TBC1D5: variants seen among roughly 807,000 people sequenced by gnomAD.
TBC1D5 encodes the protein TBC1 domain family member 5, also known as TBC1 domain family, member 5.
A neutral mutation model predicts 100.3 loss-of-function variants in TBC1D5; 75 were observed. The observed-to-expected ratio is 0.75, with a 90% CI of 0.62 to 0.91. The LOEUF (loss-of-function observed/expected upper bound fraction) is 0.91. Among genes scored for constraint, TBC1D5 ranks in the 40% least tolerant of loss-of-function variants. The probability of loss-of-function intolerance (pLI) is 0.00; values close to 1 mark genes in which losing one functional copy is unlikely to be tolerated. For synonymous variants in TBC1D5, 323 were observed against 325.6 expected (o/e 0.99, Z 0.09); for missense variants, 910 against 942.4 (o/e 0.97, Z 0.45).
intron 2 of TBC1D5, among the ~76,000 whole-genome samples, chr3:17,621,214 T>C (rs2062630388): frequency 6.6e-6 from 1 of 152,228 alleles, no homozygotes; most frequent in Non-Finnish European, 1.5e-5. Context: ...TGTCCATGTA[T>C]GTTTTTCAAT....
chr3:17,546,108 A>G (rs2096411934), intron 2 of TBC1D5, among the ~76,000 whole-genome samples: 1 of 152,192 alleles, frequency 6.6e-6, no homozygotes, highest in Non-Finnish European at 1.5e-5. Context: ...GCATAACCAT[A>G]CCCTCTTATA....
chr3:17,359,720 T>C (rs2091532559), intron 13 of TBC1D5, among the ~76,000 whole-genome samples: 1 of 152,030 alleles, frequency 6.6e-6, no homozygotes, highest in Non-Finnish European at 1.5e-5. Context: ...CAGGTTAGCT[T>C]AATTACCAAG....
chr3:17,343,239 C>T (rs1409314807), intron 13 of TBC1D5, among the ~76,000 whole-genome samples: 4 of 152,144 alleles, frequency 2.6e-5, no homozygotes, highest in African/African-American at 7.2e-5. Context: ...TGGTTTTTGT[C>T]TTTGGTTCTG....
intron 2 of TBC1D5, among the ~76,000 whole-genome samples, chr3:17,542,138 A>T (rs1056533611): frequency 4.6e-5 from 7 of 151,940 alleles, no homozygotes; most frequent in Admixed American, 4.6e-4. Context: ...AATTTTTTTT[A>T]AATTAGCCTG....
intron 1 of TBC1D5, among the ~76,000 whole-genome samples, chr3:17,691,266 T>G (rs914590307): frequency 6.6e-6 from 1 of 152,150 alleles, no homozygotes; most frequent in South Asian, 2.1e-4. Context: ...CCCCGATCCC[T>G]GGCACTCCCA....
At chr3:17,385,849 T>C (rs984253127) in intron 8 of TBC1D5, among the ~76,000 whole-genome samples, 4 of 151,970 alleles carry the variant, frequency 2.6e-5, no homozygotes, top group Non-Finnish European at 2.9e-5. Flanking sequence ...AGAGTTCAAA[T>C]AGGGGTGGCA....
At chr3:17,559,290 C>T (rs2096542247) in intron 2 of TBC1D5, among the ~76,000 whole-genome samples, 1 of 150,522 alleles carries the variant, frequency 6.6e-6, no homozygotes, top group African/African-American at 2.4e-5. Context: ...ACAGGCATGG[C>T]CACCACACCC....
At chr3:17,632,784 C>T (rs1013624059) in intron 1 of TBC1D5, among the ~76,000 whole-genome samples, 3 of 152,056 alleles carry the variant, frequency 2.0e-5, no homozygotes, top group Non-Finnish European at 2.9e-5. Context: ...TTGTTTTTTA[C>T]ACATAATGCT....
chr3:17,684,930 A>G (rs1230668056), intron 1 of TBC1D5, among the ~76,000 whole-genome samples: 1 of 152,096 alleles, frequency 6.6e-6, no homozygotes, highest in Non-Finnish European at 1.5e-5. Flanking sequence ...ACATTCCAGT[A>G]GTAGAACAGA....
At chr3:17,519,423 T>A (rs12108135) in intron 2 of TBC1D5, among the ~76,000 whole-genome samples, 10,495 of 152,244 alleles carry the variant, frequency 0.069, 709 homozygotes, top group African/African-American at 0.18. Context: ...TTCTTCGCCT[T>A]ACCAACTGCT....
intron 1 of TBC1D5, among the ~76,000 whole-genome samples, chr3:17,659,979 TG>T (rs1440670320): frequency 6.6e-6 from 1 of 152,106 alleles, no homozygotes; most frequent in Non-Finnish European, 1.5e-5. Flanking sequence ...TGCCTTCCTT[TG>T]GCGGAGGGAC....
At chr3:17,585,552 T>C (rs1033408781) in intron 2 of TBC1D5, among the ~76,000 whole-genome samples, 4 of 152,234 alleles carry the variant, frequency 2.6e-5, no homozygotes, top group Admixed American at 6.5e-5. Context: ...ACAGCTTATA[T>C]TGAATGGGGA....
intron 20 of TBC1D5, 140 bp downstream of exon 21, chr3:17,167,609 G>C (rs946686991): frequency 1.4e-6 from 1 of 693,542 alleles, no homozygotes; most frequent in African/African-American, 1.8e-5. Flanking sequence ...CAAAGAGGTG[G>C]TGATGCAGAA....
chr3:17,357,642 T>C (rs544028095), intron 13 of TBC1D5, among the ~76,000 whole-genome samples: 5 of 152,342 alleles, frequency 3.3e-5, no homozygotes, highest in African/African-American at 9.6e-5. Flanking sequence ...ACATTATTTA[T>C]CATATTATTA....
chr3:17,742,214 C>T (rs1400835594), upstream of TBC1D5, among the ~76,000 whole-genome samples: 1 of 152,166 alleles, frequency 6.6e-6, no homozygotes, highest in Non-Finnish European at 1.5e-5. Flanking sequence ...CCCCTCCCGC[C>T]ATCCACCCCC....
At chr3:17,554,858 C>T (rs573022787) in intron 2 of TBC1D5, among the ~76,000 whole-genome samples, 1,808 of 135,512 alleles carry the variant, frequency 0.013, 25 homozygotes, top group African/African-American at 0.043. Context: ...TTTTTTTTTT[C>T]TTTTTTTTTG....
At chr3:17,522,264 T>G (rs2096071528) in intron 2 of TBC1D5, among the ~76,000 whole-genome samples, 1 of 152,144 alleles carries the variant, frequency 6.6e-6, no homozygotes, top group African/African-American at 2.4e-5. Context: ...TGTACACATG[T>G]AAACTTCTGT....
intron 15 of TBC1D5, among the ~76,000 whole-genome samples, chr3:17,274,098 G>A (rs2149742856): frequency 1.3e-5 from 2 of 151,552 alleles, no homozygotes; most frequent in South Asian, 4.2e-4. Flanking sequence ...TCCACTGTTT[G>A]TTTTCCCACA....
chr3:17,226,145 G>A (rs1019061701), intron 17 of TBC1D5, among the ~76,000 whole-genome samples: 2 of 149,752 alleles, frequency 1.3e-5, no homozygotes, highest in East Asian at 2.0e-4. Context: ...TGCCTTTTTC[G>A]TATCTGGTAT....
Sources: allele counts gnomAD v4.1 joint callset (sites outside exome capture counted in the v4.1 genomes callset), GRCh38; gene constraint gnomAD v4.1.1; transcripts MANE v1.5; gene names NCBI Gene and HGNC (gene_info 2026-07-23, HGNC 2026-07-21).